Variants in DRC1 observed in about 807,000 individuals in gnomAD.
DRC1 encodes dynein regulatory complex protein 1.
In DRC1, 74 loss-of-function variants were observed where a neutral mutation model predicts 98.7. The observed-to-expected ratio is 0.75, with a 90% CI of 0.62 to 0.91. DRC1 has a LOEUF of 0.91. Ranked by LOEUF, DRC1 falls within the 40% of genes least tolerant of loss-of-function variation. The pLI, the probability that DRC1 is intolerant of heterozygous loss-of-function variation, is 0.00. For missense variants in DRC1, 875 were observed against 886.0 expected, an observed-to-expected ratio of 0.99 and a Z score of 0.16; for synonymous variants, 336 against 334.1, an observed-to-expected ratio of 1.01 and a Z score of -0.06.
chr2:26,448,612 C>A, intron 10 of DRC1, 79 bp from the exon 11 acceptor site: 1 of 1,413,146 alleles, frequency 7.1e-7, no homozygotes, highest in Non-Finnish European at 1.0e-6. Flanking sequence ...GGAAAGCCAT[C>A]TGACTGTTTC....
intron 9 of DRC1, 123 bp downstream of exon 9, chr2:26,444,479 C>G (rs192583463): frequency 2.2e-6 from 3 of 1,342,604 alleles, no homozygotes; most frequent in Non-Finnish European, 3.0e-6. Flanking sequence ...GGACCAGGCA[C>G]TAGTTAACCT....
rs984546743 is a variant in DRC1, at chr2:26,447,141, G to T, written c.1397-1550G>T. Among the ~76,000 whole-genome samples, 5 of 151,904 alleles carry T rather than the reference G, an allele frequency of 3.3e-5. No homozygotes were observed. The South Asian group carries it at 1.0e-3, about 32-fold the overall frequency. On this transcript the variant is annotated intron_variant, in intron 10 of 16. Coordinates refer to ENST00000288710, the MANE Select transcript of DRC1 (RefSeq NM_145038.5). Reference sequence around the variant, plus strand: ...AAAAAAAAATAAAAATAGGCCGGGTGCGGTGGCTCATGCCTGTCATCCCAG... The same window carrying T: ...AAAAAAAAATAAAAATAGGCCGGGTTCGGTGGCTCATGCCTGTCATCCCAG...
At chr2:26,446,991 G>A (rs1663869334) in intron 10 of DRC1, among the ~76,000 whole-genome samples, 1 of 152,162 alleles carries the variant, frequency 6.6e-6, no homozygotes, top group Admixed American at 6.5e-5. Context: ...TCAGGAGGCT[G>A]AGGCAGGAGA....
At chr2:26,450,180 G>A in intron 12 of DRC1, 95 bp downstream of exon 12, 1 of 1,173,246 alleles carries the variant, frequency 8.5e-7, no homozygotes, top group South Asian at 1.4e-5. Context: ...CAGTGGACGA[G>A]GGTCTCCCGG....
At chr2:26,427,153 G>C (rs1309064261) in intron 4 of DRC1, among the ~76,000 whole-genome samples, 2 of 152,074 alleles carry the variant, frequency 1.3e-5, no homozygotes, top group Non-Finnish European at 2.9e-5. Flanking sequence ...GTCTCGCTCT[G>C]TCACCCAGGC....
intron 1 of DRC1, among the ~76,000 whole-genome samples, chr2:26,402,931 G>T (rs1486156943): frequency 6.6e-6 from 1 of 152,160 alleles, no homozygotes; most frequent in African/African-American, 2.4e-5. Context: ...AATATTTTAG[G>T]CTTTTCGGAT....
In DRC1 at chr2:26,444,740, G is replaced by A. The variant is rs374257901; in HGVS notation, c.1188G>A (p.Glu396=). Residue 396 remains glutamate, a synonymous_variant, in exon 10 of 17, where the codon GAG becomes GAA. Transcript: ENST00000288710. ...AMRHFALIDD[E]KFWEIWLMNE... ...GGCATTTTGCTCTTATTGATGATGA[G>A]AAGTTTTGGGAGATTTGGCTGATGA... 6.2e-7 allele frequency: 1 copy of A among 1,613,986 alleles called. No individual in the cohort carries two copies. The highest frequency in any genetic ancestry group is 8.5e-7 in the Non-Finnish European group (1 of 1,180,030).
intron 11 of DRC1, 103 bp from the exon 12 acceptor site, chr2:26,449,893 C>G: frequency 9.7e-7 from 1 of 1,035,944 alleles, no homozygotes; most frequent in Non-Finnish European, 1.4e-6. Flanking sequence ...GCGTCTGCTC[C>G]GTGGCATGGT....
At chr2:26,437,336 A>G (rs1222101853) in intron 7 of DRC1, among the ~76,000 whole-genome samples, 1 of 152,218 alleles carries the variant, frequency 6.6e-6, no homozygotes, top group African/African-American at 2.4e-5. Context: ...GATACTGTTC[A>G]ACTCAGACAT....
At chr2:26,455,024 G>A in intron 15 of DRC1, 107 bp from the exon 16 acceptor site, 1 of 1,394,286 alleles carries the variant, frequency 7.2e-7, no homozygotes, top group Non-Finnish European at 1.0e-6. Context: ...TGTAGCTTCT[G>A]GAGTCTCCCT....
chr2:26,453,853 C>T (rs761343245), intron 14 of DRC1, among the ~76,000 whole-genome samples: 7 of 152,198 alleles, frequency 4.6e-5, no homozygotes, highest in Non-Finnish European at 8.8e-5. Context: ...AAAGCACATT[C>T]AAGGTGCACC....
chr2:26,425,428 G>A (rs892487613), intron 4 of DRC1, among the ~76,000 whole-genome samples: 5 of 152,078 alleles, frequency 3.3e-5, no homozygotes, highest in African/African-American at 9.7e-5. Context: ...GAATTATTTG[G>A]ATGTATACTT....
rs750302181 is a variant in DRC1, at chr2:26,450,659, A to G, written c.1667A>G (p.His556Arg). The change falls in exon 13 of 17, where the codon CAC becomes CGC. Residue 556 changes from histidine to arginine, a missense_variant. By Grantham distance (29) the His-to-Arg change is conservative. Transcript: ENST00000288710. ...LVNFFLKYRA[H>R]RLSSSLQIKP... is the part of the protein sequence containing the mutation. Reference sequence around the variant, plus strand: ...AACTTCTTCCTTAAATATCGAGCTCACCGTTTATCTTCCAGCCTCCAGGTA... The same window carrying G: ...AACTTCTTCCTTAAATATCGAGCTCGCCGTTTATCTTCCAGCCTCCAGGTA... 8 of 1,605,764 alleles carry G rather than the reference A, an allele frequency of 5.0e-6. No homozygotes were observed. The highest frequency in any genetic ancestry group is 6.8e-6 in the Non-Finnish European group (8 of 1,176,206).
At position 26,424,351 on chromosome 2, in the gene DRC1, A is replaced by G. The variant is rs1300027016; in HGVS notation, c.437A>G (p.Gln146Arg). ...ACCTCAAAGTGGGAAGAGGGCAAGC[A>G]GAAGAGAATTCCCCAAGAGCTGTGG... ...EITSKWEEGK[Q>R]KRIPQELWEM... The change falls in exon 4 of 17, where the codon CAG becomes CGG. Residue 146 changes from glutamine to arginine, a missense_variant. Coordinates refer to ENST00000288710, the MANE Select transcript of DRC1 (RefSeq NM_145038.5). 6.2e-7 allele frequency: 1 copy of G among 1,613,870 alleles called. No individual in the cohort carries two copies. Among genetic ancestry groups the G allele is most frequent in the East Asian group, 2.2e-5 (1 of 44,854 alleles).
At chr2:26,434,982 A>T (rs1342237819) in intron 7 of DRC1, among the ~76,000 whole-genome samples, 1 of 152,090 alleles carries the variant, frequency 6.6e-6, no homozygotes, top group East Asian at 1.9e-4. Flanking sequence ...GCCTGAGATG[A>T]CATTGCCAGT....
intron 2 of DRC1, among the ~76,000 whole-genome samples, chr2:26,417,218 G>A (rs1336234155): frequency 6.6e-6 from 1 of 152,232 alleles, no homozygotes. Flanking sequence ...CCAGCTCTGT[G>A]CCAATTCCAC....
chr2:26,446,647 C>A (rs1663859858), intron 10 of DRC1, among the ~76,000 whole-genome samples: 1 of 152,166 alleles, frequency 6.6e-6, no homozygotes, highest in African/African-American at 2.4e-5. Context: ...GAATCACATG[C>A]CTTCCCCACA....
Position 26,455,092 on chromosome 2 carries a change from A to G in DRC1, c.2064-39A>G, listed in dbSNP as rs1276231536. Reference sequence around the variant, plus strand: ...CTGGCCCCTACTTGGCAGAGGATGGAGGATTCAGTGAGCCTCTAACCGATT... The same window carrying G: ...CTGGCCCCTACTTGGCAGAGGATGGGGGATTCAGTGAGCCTCTAACCGATT... On this transcript the variant is annotated intron_variant, in intron 15 of 16. Coordinates refer to ENST00000288710, the MANE Select transcript of DRC1 (RefSeq NM_145038.5). 2.5e-6 allele frequency: 4 copies of G among 1,607,746 alleles called. No individual in the cohort carries two copies. The East Asian group carries it at 6.7e-5, about 27-fold the overall frequency.
chr2:26,456,377 T>C (rs1572391513), intron 16 of DRC1, 84 bp from the exon 17 acceptor site: 1 of 1,555,736 alleles, frequency 6.4e-7, no homozygotes, highest in East Asian at 2.2e-5. Context: ...TGGAGGCCCA[T>C]GGGAGAGCCA....
Sources: allele counts gnomAD v4.1 joint callset (sites outside exome capture counted in the v4.1 genomes callset), GRCh38; gene constraint gnomAD v4.1.1; transcripts MANE v1.5; gene names NCBI Gene and HGNC (gene_info 2026-07-23, HGNC 2026-07-21).